Variants in NBEAL1 observed in about 807,000 individuals in gnomAD.
NBEAL1 encodes the protein neurobeachin like 1.
A neutral mutation model predicts 351.3 loss-of-function variants in NBEAL1; 273 were observed. The observed-to-expected ratio is 0.78, with a 90% CI of 0.70 to 0.86. The LOEUF (loss-of-function observed/expected upper bound fraction) is 0.86, where lower values mean the gene tolerates loss of function less well. NBEAL1 is among the 40% of genes least tolerant of loss of function. The pLI, the probability that NBEAL1 is intolerant of heterozygous loss-of-function variation, is 0.00. For synonymous variants in NBEAL1, 1,050 were observed against 1,086.4 expected (o/e 0.97, Z 0.66); for missense variants, 2,961 against 3,201.3 (o/e 0.92, Z 1.81).
chr2:203,095,999 C>T (rs975594705), intron 10 of NBEAL1, among the ~76,000 whole-genome samples: 6 of 152,120 alleles, frequency 3.9e-5, no homozygotes, highest in East Asian at 1.9e-4. Context: ...TCAGGTGATC[C>T]GCCCACCTCA....
At position 203,200,651 on chromosome 2, in the gene NBEAL1, G is replaced by A. The variant is rs56209510; in HGVS notation, c.7239-892G>A. On this transcript the variant is annotated intron_variant, in intron 49 of 55. Coordinates refer to ENST00000683969, the MANE Select transcript of NBEAL1 (RefSeq NM_001378026.1). ...AGAGGTTGCAGTGAGCCGAGATTGC[G>A]CCACTGCACTTCAGCCTGGACGACA... Among the ~76,000 whole-genome samples the A allele has an allele frequency of 6.9e-3, 1,053 of 152,188 alleles. 3 individuals are homozygous for A. The highest frequency in any genetic ancestry group is 0.012 in the Non-Finnish European group (823 of 68,010).
At chr2:203,216,022 A>C (rs944121846) in intron 55 of NBEAL1, among the ~76,000 whole-genome samples, 1 of 152,070 alleles carries the variant, frequency 6.6e-6, no homozygotes, top group African/African-American at 2.4e-5. Context: ...AAAAAAAAAA[A>C]AAAAAACGGT....
chr2:203,152,907 G>A (rs757917938), intron 35 of NBEAL1, among the ~76,000 whole-genome samples: 1 of 151,620 alleles, frequency 6.6e-6, no homozygotes, highest in African/African-American at 2.4e-5. Flanking sequence ...GCATGGTGGC[G>A]GGCACCTGTA....
In NBEAL1 at chr2:203,135,858, C is replaced by T. The variant is rs771731618; in HGVS notation, c.3995C>T (p.Thr1332Ile). The change falls in exon 28 of 56, where the codon ACC becomes ATC. Residue 1332 changes from threonine to isoleucine, a missense_variant. By Grantham distance (89) the Thr-to-Ile change is moderately conservative. Coordinates refer to ENST00000683969, the MANE Select transcript of NBEAL1 (RefSeq NM_001378026.1). Reference protein sequence around the residue: ...DNDKNMSTEDTKKNSDEKTDE... With the variant: ...DNDKNMSTEDIKKNSDEKTDE... Reference sequence around the variant, plus strand: ...GATAAAAATATGTCAACTGAAGATACCAAGAAGAACTCTGATGAAAAAACA... The same window carrying T: ...GATAAAAATATGTCAACTGAAGATATCAAGAAGAACTCTGATGAAAAAACA... The T allele has an allele frequency of 3.1e-6, 5 of 1,613,930 alleles. No homozygotes were observed. Among genetic ancestry groups the T allele is most frequent in the Non-Finnish European group, 4.2e-6 (5 of 1,179,954 alleles).
intron 29 of NBEAL1, among the ~76,000 whole-genome samples, chr2:203,137,094 G>A (rs1036935007): frequency 5.3e-5 from 8 of 152,254 alleles, no homozygotes; most frequent in African/African-American, 1.9e-4. Context: ...CCAAATTTGA[G>A]TGTTTCCGTG....
At chr2:203,100,548 C>CTTTT (rs201429973) in intron 12 of NBEAL1, among the ~76,000 whole-genome samples, 1 of 137,322 alleles carries the variant, frequency 7.3e-6, no homozygotes, top group Non-Finnish European at 1.6e-5. Flanking sequence ...GTTTTCTTTT[C>CTTTT]TTTTTTTTTT....
intron 6 of NBEAL1, among the ~76,000 whole-genome samples, 163 bp downstream of exon 6, chr2:203,057,616 T>C (rs192890601): frequency 1.3e-4 from 20 of 152,344 alleles, no homozygotes; most frequent in Admixed American, 5.2e-4. Context: ...GAATTAGTGA[T>C]AAATTCTGCT....
chr2:203,049,772 G>T, intron 3 of NBEAL1, 42 bp from the exon 4 acceptor site: 1 of 1,468,310 alleles, frequency 6.8e-7, no homozygotes, highest in Non-Finnish European at 9.1e-7. Context: ...TTTTCTTCTT[G>T]TATTTCAACA....
intron 48 of NBEAL1, among the ~76,000 whole-genome samples, chr2:203,198,273 A>G (rs1385097013): frequency 6.6e-6 from 1 of 151,706 alleles, no homozygotes; most frequent in Non-Finnish European, 1.5e-5. Flanking sequence ...TGAGCCTCAC[A>G]AAGTGCCTGC....
chr2:203,210,704 A>G (rs2065763503), intron 53 of NBEAL1, among the ~76,000 whole-genome samples: 1 of 152,046 alleles, frequency 6.6e-6, no homozygotes, highest in African/African-American at 2.4e-5. Flanking sequence ...AAGAATGTAG[A>G]GTTTTGGGGA....
At chr2:203,145,953 C>T (rs1299532370) in intron 33 of NBEAL1, among the ~76,000 whole-genome samples, 2 of 150,990 alleles carry the variant, frequency 1.3e-5, no homozygotes, top group East Asian at 3.9e-4. Context: ...AGGTCGAATT[C>T]TTCAAAATAT....
At chr2:203,130,824 G>C (rs1167608975) in intron 25 of NBEAL1, among the ~76,000 whole-genome samples, 3 of 152,034 alleles carry the variant, frequency 2.0e-5, no homozygotes, top group South Asian at 4.2e-4. Flanking sequence ...CAGGAACTAA[G>C]TACTTTTCAT....
chr2:203,166,414 G>A (rs72934601), intron 37 of NBEAL1, 117 bp downstream of exon 37: 104,679 of 977,806 alleles, frequency 0.11, 6,470 homozygotes, highest in Non-Finnish European at 0.12. Context: ...GGGAGAAATG[G>A]AAAGTCAGTA....
Position 203,113,209 on chromosome 2 carries a change from C to T in NBEAL1, c.2397C>T (p.Thr799=). 1 of 1,547,322 alleles carries T rather than the reference C, an allele frequency of 6.5e-7. No individual in the cohort carries two copies. Among genetic ancestry groups the T allele is most frequent in the South Asian group, 1.2e-5 (1 of 82,800 alleles). The change falls in exon 17 of 56, where the codon ACC becomes ACT. Residue 799 remains threonine, a synonymous_variant. Transcript: ENST00000683969. ...KLITKLISAG[T]QDSEWGCPTS... is the part of the protein sequence containing the mutation. ...TTACCAAATTGATATCAGCTGGAACCCAAGACAGTGAATGGGGGTGTCCCA... is the reference window on the plus strand; with the variant it reads ...TTACCAAATTGATATCAGCTGGAACTCAAGACAGTGAATGGGGGTGTCCCA...
At chr2:203,186,834 G>A (rs1193920385) in intron 44 of NBEAL1, among the ~76,000 whole-genome samples, 1 of 152,092 alleles carries the variant, frequency 6.6e-6, no homozygotes, top group Non-Finnish European at 1.5e-5. Context: ...TTACCAAACA[G>A]TCCCTTCTCT....
In NBEAL1 at chr2:203,175,233, A is replaced by C. The variant is rs1327023444; in HGVS notation, c.6410A>C (p.Tyr2137Ser). Reference sequence around the variant, plus strand: ...TCAAATTCTGCGGGGGTCATGCACTATCTCATTCGTGTAGAACCGTTCACC... The same window carrying C: ...TCAAATTCTGCGGGGGTCATGCACTCTCTCATTCGTGTAGAACCGTTCACC... ...HYSNSAGVMH[Y>S]LIRVEPFTTL... is the part of the protein sequence containing the mutation. Residue 2137 changes from tyrosine (Y) to serine (S), a missense_variant, in exon 42 of 56, where the codon TAT becomes TCT. Physicochemically the swap from Tyr to Ser is moderately radical, Grantham distance 144. Coordinates refer to ENST00000683969, the MANE Select transcript of NBEAL1 (RefSeq NM_001378026.1). 6.2e-7 allele frequency: 1 copy of C among 1,614,046 alleles called. No homozygotes were observed. The highest frequency in any genetic ancestry group is 1.7e-5 in the Admixed American group (1 of 60,014).
chr2:203,215,566 T>C (rs1200389568), intron 55 of NBEAL1, among the ~76,000 whole-genome samples: 2 of 151,792 alleles, frequency 1.3e-5, no homozygotes, highest in African/African-American at 4.8e-5. Flanking sequence ...CGCATGCCTG[T>C]AGTCCCAGCT....
At position 203,113,320 on chromosome 2, in the gene NBEAL1, T is replaced by G; in HGVS notation, c.2506+2T>G. The G allele has an allele frequency of 7.2e-7, 1 of 1,388,972 alleles. No homozygotes were observed. Among genetic ancestry groups the G allele is most frequent in the Non-Finnish European group, 9.4e-7 (1 of 1,067,822 alleles). 86.0% of individuals were successfully genotyped at this position (1,388,972 alleles called of 1,614,324 possible). On this transcript the variant is annotated splice_donor_variant, in intron 17 of 55. Coordinates refer to ENST00000683969, the MANE Select transcript of NBEAL1 (RefSeq NM_001378026.1). LOFTEE classifies it high-confidence loss of function. ...AGGTGAAGGCATTATATTTAGCAGG[T>G]AAGCATGTACAGTCATAATGCTTAA...
chr2:203,206,725 A>G (rs1408009120), intron 51 of NBEAL1, among the ~76,000 whole-genome samples: 2 of 152,050 alleles, frequency 1.3e-5, no homozygotes, highest in South Asian at 2.1e-4. Context: ...TCAGTGCTCA[A>G]TGGTGCCCAG....
Sources: allele counts gnomAD v4.1 joint callset (sites outside exome capture counted in the v4.1 genomes callset), GRCh38; gene constraint gnomAD v4.1.1; transcripts MANE v1.5; gene names NCBI Gene and HGNC (gene_info 2026-07-23, HGNC 2026-07-21).